The following GPHN variants were observed in gnomAD, a reference collection of about 807,000 sequenced individuals.
The protein encoded by GPHN is gephyrin.
In GPHN, 17 loss-of-function variants were observed where a neutral mutation model predicts 95.5. The observed-to-expected ratio is 0.18, with a 90% CI of 0.12 to 0.27. The LOEUF (loss-of-function observed/expected upper bound fraction) is 0.27, where lower values mean the gene tolerates loss of function less well. Among genes scored for constraint, GPHN ranks in the 10% least tolerant of loss-of-function variants. GPHN has a pLI of 1.00. For missense variants in GPHN, 660 were observed against 978.1 expected (o/e 0.67, Z 4.34); for synonymous variants, 320 against 322.5 (o/e 0.99, Z 0.08).
At chr14:67,541,869 T>C in the GPHN span, 3 of 1,599,724 alleles carry the variant, frequency 1.9e-6, no homozygotes, top group South Asian at 1.1e-5. Flanking sequence ...GATTCCATCA[T>C]GGCAGAACTC....
the GPHN span, among the ~76,000 whole-genome samples, chr14:67,455,571 A>G: frequency 6.6e-6 from 1 of 152,230 alleles, no homozygotes; most frequent in South Asian, 2.1e-4. Flanking sequence ...ACAGGATTTA[A>G]AAAATAACAG....
the GPHN span, among the ~76,000 whole-genome samples, chr14:67,361,488 A>G: frequency 6.6e-6 from 1 of 152,254 alleles, no homozygotes; most frequent in African/African-American, 2.4e-5. Flanking sequence ...ACCAAGAACT[A>G]GCATTCAGAG....
At chr14:67,409,525 C>T in the GPHN span, among the ~76,000 whole-genome samples, 2 of 152,322 alleles carry the variant, frequency 1.3e-5, no homozygotes, top group East Asian at 1.9e-4. Flanking sequence ...CCAGCAGGAA[C>T]GCCCGGCAGT....
At chr14:66,932,467 T>TTTTTG (rs2066874723) in intron 8 of GPHN, among the ~76,000 whole-genome samples, 3 of 136,488 alleles carry the variant, frequency 2.2e-5, no homozygotes, top group Non-Finnish European at 4.7e-5. Context: ...TTTTTTTTTT[T>TTTTTG]TTTTTTTTTT....
intron 1 of GPHN, among the ~76,000 whole-genome samples, chr14:66,588,272 G>A (rs192081146): frequency 1.3e-5 from 2 of 151,894 alleles, no homozygotes; most frequent in East Asian, 1.9e-4. Flanking sequence ...AGAAATCCAC[G>A]AAGTTGAGGA....
the GPHN span, among the ~76,000 whole-genome samples, chr14:67,694,453 C>T: frequency 1.2e-3 from 156 of 128,660 alleles, no homozygotes; most frequent in African/African-American, 3.2e-3. Context: ...TATATATATA[C>T]ACACACACAC....
intron 10 of GPHN, among the ~76,000 whole-genome samples, chr14:67,032,778 T>A (rs2074250538): frequency 6.6e-6 from 1 of 151,946 alleles, no homozygotes; most frequent in African/African-American, 2.4e-5. Flanking sequence ...TTGGTGAGAG[T>A]GTCCCCTATA....
intron 11 of GPHN, among the ~76,000 whole-genome samples, chr14:67,077,842 A>C (rs2076556127): frequency 6.6e-6 from 1 of 152,154 alleles, no homozygotes; most frequent in Non-Finnish European, 1.5e-5. Flanking sequence ...TAAGCATGGC[A>C]CACAAAACAA....
chr14:67,478,142 C>T, the GPHN span, among the ~76,000 whole-genome samples: 12 of 152,366 alleles, frequency 7.9e-5, no homozygotes, highest in Middle Eastern at 3.4e-3. Flanking sequence ...GCTGGGGCAG[C>T]GTAGCTCCAC....
chr14:67,115,768 A>T (rs2078653563), intron 16 of GPHN, among the ~76,000 whole-genome samples: 1 of 152,102 alleles, frequency 6.6e-6, no homozygotes, highest in Admixed American at 6.6e-5. Context: ...GGTTTCACAT[A>T]TGTCCACTTC....
chr14:66,616,840 T>C (rs1403523716), intron 1 of GPHN, among the ~76,000 whole-genome samples: 2 of 152,140 alleles, frequency 1.3e-5, no homozygotes, highest in Non-Finnish European at 2.9e-5. Flanking sequence ...CCCAAGTAGC[T>C]GGGATTACAA....
chr14:67,187,106 T>C, the GPHN span, among the ~76,000 whole-genome samples: 1 of 152,188 alleles, frequency 6.6e-6, no homozygotes, highest in African/African-American at 2.4e-5. Flanking sequence ...AGCCAGATCG[T>C]GCTCACAAAT....
At chr14:67,399,272 T>C in the GPHN span, among the ~76,000 whole-genome samples, 2 of 150,670 alleles carry the variant, frequency 1.3e-5, no homozygotes, top group Non-Finnish European at 1.5e-5. Flanking sequence ...AAGGGTCGTT[T>C]AGGTGGTTCT....
chr14:66,792,487 GAA>G (rs113886078), intron 3 of GPHN, among the ~76,000 whole-genome samples: 6 of 113,388 alleles, frequency 5.3e-5, no homozygotes, highest in African/African-American at 1.9e-4. Context: ...CACAGAAAAA[GAA>G]AAAAAAAAAA....
intron 1 of GPHN, among the ~76,000 whole-genome samples, chr14:66,538,390 ATC>A: frequency 6.8e-6 from 1 of 147,720 alleles, no homozygotes; most frequent in Non-Finnish European, 1.5e-5. Context: ...TTCTACCCCA[ATC>A]TCTCTCTCCT....
At chr14:66,521,574 G>A (rs1226612850) in intron 1 of GPHN, among the ~76,000 whole-genome samples, 3 of 152,176 alleles carry the variant, frequency 2.0e-5, no homozygotes, top group Non-Finnish European at 4.4e-5. Flanking sequence ...ATCTGGTCTG[G>A]TGAGGGCCTG....
the GPHN span, among the ~76,000 whole-genome samples, chr14:67,625,696 A>AG: frequency 6.7e-6 from 1 of 148,942 alleles, no homozygotes; most frequent in African/African-American, 2.4e-5. Context: ...AAAAAAAAAA[A>AG]AAAAGAAACT....
At chr14:67,345,346 C>T in the GPHN span, among the ~76,000 whole-genome samples, 1 of 152,130 alleles carries the variant, frequency 6.6e-6, no homozygotes, top group African/African-American at 2.4e-5. Flanking sequence ...CACCTGAAGT[C>T]AGGAGTTCGA....
At chr14:66,589,881 C>A (rs1038985648) in intron 1 of GPHN, among the ~76,000 whole-genome samples, 1 of 152,204 alleles carries the variant, frequency 6.6e-6, no homozygotes, top group African/African-American at 2.4e-5. Context: ...AATATACATT[C>A]TTCTCAGCAC....
Sources: allele counts gnomAD v4.1 joint callset (sites outside exome capture counted in the v4.1 genomes callset), GRCh38; gene constraint gnomAD v4.1.1; transcripts MANE v1.5; gene names NCBI Gene and HGNC (gene_info 2026-07-23, HGNC 2026-07-21).